The following ERG28 variants were observed in gnomAD, a reference collection of about 807,000 sequenced individuals.
ERG28 encodes the protein ergosterol biosynthesis 28 homolog.
Under a neutral mutation model 15.7 loss-of-function variants are expected in ERG28, and 9 were observed. That is an observed-to-expected ratio of 0.57 (90% CI 0.35 to 1.00). The LOEUF (loss-of-function observed/expected upper bound fraction) is 1.00, where lower values mean the gene tolerates loss of function less well. ERG28 is among the 50% of genes least tolerant of loss of function. ERG28 has a pLI of 0.02. For synonymous variants in ERG28, 61 were observed against 68.4 expected (o/e 0.89, Z 0.53); for missense variants, 117 against 173.3 (o/e 0.68, Z 1.82).
At chr14:75,655,536 A>G (rs1594823237) in intron 2 of ERG28, among the ~76,000 whole-genome samples, 1 of 152,254 alleles carries the variant, frequency 6.6e-6, no homozygotes, top group East Asian at 1.9e-4. Context: ...GCAGTGGGAC[A>G]AAGCACTGTT....
Position 75,651,456 on chromosome 14 carries a change from AG to A in ERG28, c.*98del. ...AGAGGCTAAAAGTGAATAAAAGGGC[AG>A]ATGATGGAATAGAAAAGAAATTAAA... On this transcript the variant is annotated 3_prime_UTR_variant, in exon 5 of 5. Coordinates refer to ENST00000256319, the MANE Select transcript of ERG28 (RefSeq NM_007176.4). 1.7e-6 allele frequency: 2 copies of A among 1,161,894 alleles called. No homozygotes were observed. Among genetic ancestry groups the A allele is most frequent in the South Asian group, 2.9e-5 (2 of 70,100 alleles). The allele number at this position is 1,161,894 out of a possible 1,614,324, so 72.0% of individuals were successfully genotyped here.
chr14:75,651,710 C>G, intron 4 of ERG28, 61 bp downstream of exon 4: 2 of 1,590,822 alleles, frequency 1.3e-6, no homozygotes, highest in South Asian at 2.2e-5. Context: ...TGTCCACCCT[C>G]TGTACTAGCT....
chr14:75,651,735 G>A lies in ERG28; in HGVS notation c.343+36C>T, dbSNP rs76729391. 4,699 of 1,595,576 alleles carry A rather than the reference G, an allele frequency of 2.9e-3. 125 individuals are homozygous for A. The African/African-American group carries it at 0.055, about 19-fold the overall frequency. ...CTGTACTAGCTCTAGAGCTGGCACA[G>A]CTCCTGTAGGAGGTCTAGGGTGGTT... On this transcript the variant is annotated intron_variant, in intron 4 of 4. Transcript: ENST00000256319.
At chr14:75,657,560 G>A in intron 1 of ERG28, 27 bp from the exon 2 acceptor site, 1 of 1,599,594 alleles carries the variant, frequency 6.3e-7, no homozygotes, top group Non-Finnish European at 8.6e-7. Context: ...GAGGACATGA[G>A]ACAATGAGGG....
chr14:75,654,298 G>A (rs1007384133), intron 3 of ERG28, among the ~76,000 whole-genome samples: 2 of 152,164 alleles, frequency 1.3e-5, no homozygotes, highest in Non-Finnish European at 2.9e-5. Context: ...GATGACTCCC[G>A]CTGGGAAGAA....
In ERG28 at chr14:75,651,328, G is replaced by T; in HGVS notation, c.*227C>A. 2.8e-6 allele frequency: 1 copy of T among 362,496 alleles called. No individual in the cohort carries two copies. Among genetic ancestry groups the T allele is most frequent in the Non-Finnish European group, 4.9e-6 (1 of 202,470 alleles). The allele number at this position is 362,496 out of a possible 1,614,324, so 22.5% of individuals were successfully genotyped here. A position where few individuals can be genotyped will look rare whatever the true frequency, so the allele number is the denominator to read the frequency against. On this transcript the variant is annotated 3_prime_UTR_variant, in exon 5 of 5. Coordinates refer to ENST00000256319, the MANE Select transcript of ERG28 (RefSeq NM_007176.4). ...CGAGAAGCTGGCAATTTCTTGACTT[G>T]GATGGAGTTACGTAGTATTCACTTT... is the stretch of plus-strand genomic sequence containing the variant.
rs963564336 is a variant in ERG28 at position 75,659,870 on chromosome 14, C to G, written c.-32+905G>C. On this transcript the variant is annotated intron_variant, in intron 1 of 4. Coordinates refer to ENST00000256319, the MANE Select transcript of ERG28 (RefSeq NM_007176.4). ...CAAGACAGTGTGAAACACCGCCGCCCCCCCCCGCCAACTCCCCGCCCCAAA... is the reference window on the plus strand; with the variant it reads ...CAAGACAGTGTGAAACACCGCCGCCGCCCCCCGCCAACTCCCCGCCCCAAA... Among the ~76,000 whole-genome samples the G allele has an allele frequency of 1.7e-4, 22 of 132,552 alleles. No individual in the cohort carries two copies. In the East Asian group the frequency reaches 4.3e-3, roughly 26 times the overall value. 87.0% of individuals were successfully genotyped at this position (132,552 alleles called of 152,430 possible).
At chr14:75,654,810 T>C in intron 3 of ERG28, 76 bp downstream of exon 3, 2 of 1,408,904 alleles carry the variant, frequency 1.4e-6, no homozygotes, top group East Asian at 2.3e-5. Context: ...ACAGTTCCCA[T>C]TACTCAAGGT....
chr14:75,656,269 G>A (rs1186706777), intron 2 of ERG28, among the ~76,000 whole-genome samples: 1 of 140,094 alleles, frequency 7.1e-6, no homozygotes, highest in Admixed American at 7.8e-5. Context: ...CTCAGCTTCC[G>A]TGCTGGCTGA....
At chr14:75,659,905 AAGAGATCT>A (rs1890657996) in intron 1 of ERG28, among the ~76,000 whole-genome samples, 1 of 151,674 alleles carries the variant, frequency 6.6e-6, no homozygotes, top group Non-Finnish European at 1.5e-5. Flanking sequence ...ACAAGCAATA[AAGAGATCT>A]AGAGAAGGAA....
rs1890510001 is a variant in ERG28, at chr14:75,650,603, T to G, written c.*952A>C. Reference sequence around the variant, plus strand: ...TGCTGCCTAGTTCTATTTTTTTGTCTCTGCTCTCTCAAGAATCTGTTTCTT... The same window carrying G: ...TGCTGCCTAGTTCTATTTTTTTGTCGCTGCTCTCTCAAGAATCTGTTTCTT... On this transcript the variant is annotated 3_prime_UTR_variant, in exon 5 of 5. Coordinates refer to ENST00000256319, the MANE Select transcript of ERG28 (RefSeq NM_007176.4). 2 of 152,248 alleles carry G rather than the reference T, an allele frequency of 1.3e-5. No individual in the cohort carries two copies. Among genetic ancestry groups the G allele is most frequent in the African/African-American group, 4.8e-5 (2 of 41,462 alleles). The allele number at this position is 152,248 out of a possible 1,614,324, so 9.4% of individuals were successfully genotyped here. A position where few individuals can be genotyped will look rare whatever the true frequency, so the allele number is the denominator to read the frequency against.
Position 75,651,143 on chromosome 14 carries a change from C to A in ERG28, c.*412G>T. 1 of 163,952 alleles carries A rather than the reference C, an allele frequency of 6.1e-6. No homozygotes were observed. The highest frequency in any genetic ancestry group is 1.4e-5 in the Non-Finnish European group (1 of 73,932). The allele number at this position is 163,952 out of a possible 1,614,324, so 10.2% of individuals were successfully genotyped here. ...ACAACCCCTTGAGGCAGCCCTTGGTCACAGCTGCTCTGGGTGGGCAGCAGG... is the reference window on the plus strand; with the variant it reads ...ACAACCCCTTGAGGCAGCCCTTGGTAACAGCTGCTCTGGGTGGGCAGCAGG... On this transcript the variant is annotated 3_prime_UTR_variant, in exon 5 of 5. Transcript: ENST00000256319.
intron 3 of ERG28, among the ~76,000 whole-genome samples, chr14:75,652,612 A>C (rs898819359): frequency 6.6e-6 from 1 of 152,196 alleles, no homozygotes; most frequent in East Asian, 1.9e-4. Context: ...TGAACACTAT[A>C]ATGAACACCA....
intron 1 of ERG28, among the ~76,000 whole-genome samples, chr14:75,660,574 C>T (rs1890675728): frequency 6.6e-6 from 1 of 152,184 alleles, no homozygotes; most frequent in South Asian, 2.1e-4. Context: ...TCATCCATTC[C>T]TTCGTTCCTT....
chr14:75,651,628 G>A lies in ERG28; in HGVS notation c.350C>T (p.Ser117Phe). The change falls in exon 5 of 5, where the codon TCC becomes TTC. Residue 117 changes from serine to phenylalanine, a missense_variant. Transcript: ENST00000256319. ...GAGCCCGACCAGCATACCCAGGATG[G>A]AGAAACCTTAAATACAGAGGAAAGA... Reference protein sequence around the residue: ...VLAPLMVASFSILGMLVGLRY... With the variant: ...VLAPLMVASFFILGMLVGLRY... 1 of 1,613,478 alleles carries A rather than the reference G, an allele frequency of 6.2e-7. No individual in the cohort carries two copies. The highest frequency in any genetic ancestry group is 8.5e-7 in the Non-Finnish European group (1 of 1,179,426).
At chr14:75,660,247 C>T (rs1890666942) in intron 1 of ERG28, among the ~76,000 whole-genome samples, 1 of 152,210 alleles carries the variant, frequency 6.6e-6, no homozygotes. Flanking sequence ...AACCTAATTT[C>T]CCTAAAGCTT....
chr14:75,656,082 T>C (rs1303623885), intron 2 of ERG28, among the ~76,000 whole-genome samples: 2 of 152,158 alleles, frequency 1.3e-5, no homozygotes, highest in African/African-American at 4.8e-5. Flanking sequence ...CCTGGATAGC[T>C]ATATTCTTTA....
Position 75,657,612 on chromosome 14 carries a change from AGCAGGCC to A in ERG28, c.-31-86_-31-80del. The A allele has an allele frequency of 8.0e-6, 11 of 1,374,434 alleles. No homozygotes were observed. The Admixed American group carries it at 1.3e-4, about 16-fold the overall frequency. The allele number at this position is 1,374,434 out of a possible 1,614,324, so 85.1% of individuals were successfully genotyped here. A position where few individuals can be genotyped will look rare whatever the true frequency, so the allele number is the denominator to read the frequency against. The stretch of plus-strand genomic sequence containing the variant: ...ATAAGCAGGAAGGGAGGAAGAATGA[AGCAGGCC>A]AAAAAAAGAAATTCAGTCACACTAA... On this transcript the variant is annotated intron_variant, in intron 1 of 4. Coordinates refer to ENST00000256319, the MANE Select transcript of ERG28 (RefSeq NM_007176.4).
intron 2 of ERG28, among the ~76,000 whole-genome samples, chr14:75,655,616 G>A (rs1480016735): frequency 6.6e-6 from 1 of 152,158 alleles, no homozygotes; most frequent in African/African-American, 2.4e-5. Flanking sequence ...TAAATATCTT[G>A]TCCTGAAAGT....
Sources: allele counts gnomAD v4.1 joint callset (sites outside exome capture counted in the v4.1 genomes callset), GRCh38; gene constraint gnomAD v4.1.1; transcripts MANE v1.5; gene names NCBI Gene and HGNC (gene_info 2026-07-23, HGNC 2026-07-21).